SLC14A2: variants seen among roughly 807,000 people sequenced by gnomAD.
SLC14A2 encodes the protein urea transporter 2.
A neutral mutation model predicts 104.6 loss-of-function variants in SLC14A2; 91 were observed. The ratio of observed to expected loss-of-function variants is 0.87; its 90% confidence interval spans 0.73 to 1.04. The LOEUF (loss-of-function observed/expected upper bound fraction) is 1.04, where lower values mean the gene tolerates loss of function less well. Ranked by LOEUF, SLC14A2 falls within the 50% of genes least tolerant of loss-of-function variation. The pLI is 0.00. For synonymous variants in SLC14A2, 476 were observed against 466.4 expected (o/e 1.02, Z -0.27); for missense variants, 1,189 against 1,156.0 (o/e 1.03, Z -0.41).
chr18:45,573,510 A>T (rs2044378625), intron 2 of SLC14A2, among the ~76,000 whole-genome samples: 1 of 152,268 alleles, frequency 6.6e-6, no homozygotes, highest in Non-Finnish European at 1.5e-5. Flanking sequence ...CATAATACAG[A>T]AATCATTCTT....
intron 1 of SLC14A2, among the ~76,000 whole-genome samples, chr18:45,390,735 T>G (rs942117785): frequency 1.3e-5 from 2 of 152,192 alleles, no homozygotes; most frequent in Non-Finnish European, 2.9e-5. Context: ...CTACCTGTCA[T>G]GCAATGGCTG....
In SLC14A2 at chr18:45,673,735, C is replaced by T; in HGVS notation, c.2430C>T (p.Phe810=). 2 of 1,614,190 alleles carry T rather than the reference C, an allele frequency of 1.2e-6. No individual in the cohort carries two copies. The highest frequency in any genetic ancestry group is 1.7e-6 in the Non-Finnish European group (2 of 1,180,024). ...CCATCTACTTCGGCCTGTGTGGCTT[C>T]AACAGCACCCTCGCATGCATAGCGA... ...FDSIYFGLCG[F]NSTLACIAIG... The change falls in exon 18 of 20, where the codon TTC becomes TTT. Residue 810 remains phenylalanine (F), a synonymous_variant. Transcript: ENST00000255226.
intron 2 of SLC14A2, among the ~76,000 whole-genome samples, chr18:45,500,797 C>T (rs2043186235): frequency 1.3e-5 from 2 of 152,144 alleles, no homozygotes; most frequent in African/African-American, 2.4e-5. Context: ...AAAGTGGATC[C>T]GTCTCTACCT....
At chr18:45,203,920 T>A in the SLC14A2 span, among the ~76,000 whole-genome samples, 8 of 152,314 alleles carry the variant, frequency 5.3e-5, no homozygotes, top group East Asian at 1.3e-3. Context: ...CCAGCCTGTG[T>A]AGGTGCCAGA....
At chr18:45,188,852 C>T in the SLC14A2 span, among the ~76,000 whole-genome samples, 1 of 152,136 alleles carries the variant, frequency 6.6e-6, no homozygotes, top group Non-Finnish European at 1.5e-5. Flanking sequence ...GTTCAGGACA[C>T]CCTGTGGTGT....
chr18:45,365,069 TA>T (rs1568168661), intron 1 of SLC14A2, among the ~76,000 whole-genome samples: 1 of 152,132 alleles, frequency 6.6e-6, no homozygotes, highest in Non-Finnish European at 1.5e-5. Context: ...AATAGGGGAA[TA>T]GGGGTCTTCT....
intron 2 of SLC14A2, among the ~76,000 whole-genome samples, chr18:45,580,030 G>A (rs528666163): frequency 6.6e-6 from 1 of 152,260 alleles, no homozygotes; most frequent in African/African-American, 2.4e-5. Flanking sequence ...AGGAGGGAGA[G>A]ATGGGATATT....
At chr18:45,415,178 A>C (rs1458883926) in intron 1 of SLC14A2, among the ~76,000 whole-genome samples, 1 of 152,138 alleles carries the variant, frequency 6.6e-6, no homozygotes, top group African/African-American at 2.4e-5. Context: ...CCTTTCGTGC[A>C]GGTTGCTGGA....
At chr18:45,207,022 G>A in the SLC14A2 span, among the ~76,000 whole-genome samples, 1 of 152,092 alleles carries the variant, frequency 6.6e-6, no homozygotes, top group Non-Finnish European at 1.5e-5. Context: ...CAAGTTTTCT[G>A]CATAGTAGAT....
chr18:45,475,070 A>G (rs1029547465), intron 1 of SLC14A2, among the ~76,000 whole-genome samples: 5 of 152,130 alleles, frequency 3.3e-5, no homozygotes, highest in African/African-American at 1.2e-4. Context: ...AGATCCTGGT[A>G]TGTTGTGTCT....
chr18:45,247,506 A>C (rs1407128540), intron 1 of SLC14A2, among the ~76,000 whole-genome samples: 1 of 152,140 alleles, frequency 6.6e-6, no homozygotes, highest in African/African-American at 2.4e-5. Flanking sequence ...TTTGTTTTAC[A>C]AGCATTTGTT....
At chr18:45,563,201 C>T (rs1023114922) in intron 2 of SLC14A2, among the ~76,000 whole-genome samples, 1 of 152,142 alleles carries the variant, frequency 6.6e-6, no homozygotes, top group Non-Finnish European at 1.5e-5. Flanking sequence ...TGAGGTCTGC[C>T]AGACCTGCAT....
chr18:45,433,291 A>G (rs1185240004), intron 1 of SLC14A2, among the ~76,000 whole-genome samples: 1 of 152,208 alleles, frequency 6.6e-6, no homozygotes, highest in Non-Finnish European at 1.5e-5. Flanking sequence ...TTATTTTATA[A>G]TTAATATTGT....
chr18:45,675,402 C>A (rs1039982352), intron 18 of SLC14A2, among the ~76,000 whole-genome samples: 2 of 152,102 alleles, frequency 1.3e-5, no homozygotes, highest in East Asian at 1.9e-4. Flanking sequence ...GTAGAGTCAA[C>A]CCTCCTTCTA....
intron 1 of SLC14A2, among the ~76,000 whole-genome samples, chr18:45,359,904 A>G (rs546492276): frequency 4.3e-4 from 65 of 152,292 alleles, no homozygotes; most frequent in Non-Finnish European, 8.1e-4. Context: ...TATATGGTAA[A>G]GTTCACATTT....
intron 1 of SLC14A2, among the ~76,000 whole-genome samples, chr18:45,265,901 C>A (rs2084587563): frequency 6.6e-6 from 1 of 152,088 alleles, no homozygotes; most frequent in African/African-American, 2.4e-5. Flanking sequence ...AGAACAGTTA[C>A]CAAAATAAAC....
chr18:45,681,991 G>A (rs542898432), intron 19 of SLC14A2, among the ~76,000 whole-genome samples: 1 of 152,202 alleles, frequency 6.6e-6, no homozygotes, highest in Non-Finnish European at 1.5e-5. Context: ...AGTTCCTAGA[G>A]TTAGAAGTCT....
intron 1 of SLC14A2, among the ~76,000 whole-genome samples, chr18:45,239,677 G>T (rs554112189): frequency 6.6e-6 from 1 of 152,222 alleles, no homozygotes; most frequent in Non-Finnish European, 1.5e-5. Context: ...AAAAATCTAC[G>T]ATGGCTTCAC....
intron 10 of SLC14A2, among the ~76,000 whole-genome samples, chr18:45,650,638 C>G (rs540054150): frequency 1.3e-5 from 2 of 152,324 alleles, no homozygotes; most frequent in Admixed American, 1.3e-4. Context: ...TGGGAATTTA[C>G]CTGGCCAGGT....
Sources: allele counts gnomAD v4.1 joint callset (sites outside exome capture counted in the v4.1 genomes callset), GRCh38; gene constraint gnomAD v4.1.1; transcripts MANE v1.5; gene names NCBI Gene and HGNC (gene_info 2026-07-23, HGNC 2026-07-21).